The following ZNF521 variants were observed in gnomAD, a reference collection of about 807,000 sequenced individuals.
ZNF521 encodes LYST-interacting protein 3.
Under a neutral mutation model 105.5 loss-of-function variants are expected in ZNF521, and 14 were observed. The ratio of observed to expected loss-of-function variants is 0.13; its 90% CI spans 0.09 to 0.21. The LOEUF is 0.21. ZNF521 is among the 10% of genes least tolerant of loss of function. The probability of loss-of-function intolerance (pLI) is 1.00; values close to 1 mark genes in which losing one functional copy is unlikely to be tolerated. For synonymous variants in ZNF521, 635 were observed against 606.0 expected, an observed-to-expected ratio of 1.05 and a Z score of -0.70; for missense variants, 1,233 against 1,629.7, an observed-to-expected ratio of 0.76 and a Z score of 4.19.
At chr18:25,271,096 C>T (rs746135128) in intron 3 of ZNF521, among the ~76,000 whole-genome samples, 8 of 152,122 alleles carry the variant, frequency 5.3e-5, no homozygotes, top group South Asian at 2.1e-4. Flanking sequence ...AAATCAATTG[C>T]GAAAATCACA....
chr18:25,220,549 A>C (rs1600170620), intron 4 of ZNF521, among the ~76,000 whole-genome samples: 1 of 151,978 alleles, frequency 6.6e-6, no homozygotes, highest in Non-Finnish European at 1.5e-5. Flanking sequence ...TCCTCTATTT[A>C]CCCGCCCCTG....
intron 3 of ZNF521, among the ~76,000 whole-genome samples, chr18:25,262,861 G>A (rs984245003): frequency 6.6e-6 from 1 of 152,158 alleles, no homozygotes; most frequent in African/African-American, 2.4e-5. Flanking sequence ...CCTTTAGAGA[G>A]AATCAGGAGG....
intron 3 of ZNF521, among the ~76,000 whole-genome samples, chr18:25,234,343 A>G (rs1436938418): frequency 6.6e-6 from 1 of 152,040 alleles, no homozygotes; most frequent in East Asian, 1.9e-4. Context: ...TTTATTCTCT[A>G]CTATTTTGAG....
intron 7 of ZNF521, among the ~76,000 whole-genome samples, chr18:25,085,130 C>A (rs541796466): frequency 6.6e-6 from 1 of 151,906 alleles, no homozygotes; most frequent in Admixed American, 6.6e-5. Context: ...CGCTAGGTGG[C>A]CTTTGAAGTG....
intron 5 of ZNF521, among the ~76,000 whole-genome samples, chr18:25,099,044 T>C (rs1269110293): frequency 6.6e-6 from 1 of 152,156 alleles, no homozygotes; most frequent in African/African-American, 2.4e-5. Context: ...CATAAGAGTG[T>C]TGAGAACTCA....
chr18:25,228,467 A>T (rs964125550), intron 3 of ZNF521, among the ~76,000 whole-genome samples: 1 of 152,230 alleles, frequency 6.6e-6, no homozygotes, highest in African/African-American at 2.4e-5. Context: ...AAAAAATGAG[A>T]GTTTCACAAG....
intron 5 of ZNF521, among the ~76,000 whole-genome samples, chr18:25,148,920 G>A (rs2034995269): frequency 6.6e-6 from 1 of 152,098 alleles, no homozygotes; most frequent in African/African-American, 2.4e-5. Flanking sequence ...ATTTATACAA[G>A]TACCAGCTTC....
At chr18:25,215,005 T>C (rs2036256256) in intron 4 of ZNF521, among the ~76,000 whole-genome samples, 1 of 152,100 alleles carries the variant, frequency 6.6e-6, no homozygotes, top group Non-Finnish European at 1.5e-5. Flanking sequence ...AATGAAATTA[T>C]AGTTGGAGTT....
chr18:25,236,341 G>T (rs1906888061), intron 3 of ZNF521, among the ~76,000 whole-genome samples: 1 of 152,140 alleles, frequency 6.6e-6, no homozygotes, highest in Non-Finnish European at 1.5e-5. Context: ...TTCGAGATCA[G>T]CCTGGATAAC....
chr18:25,084,693 C>T (rs1054641817), intron 7 of ZNF521, among the ~76,000 whole-genome samples: 2 of 152,158 alleles, frequency 1.3e-5, no homozygotes, highest in African/African-American at 4.8e-5. Flanking sequence ...TCTACCCGTA[C>T]TGCAGGAATT....
intron 1 of ZNF521, 86 bp from the exon 2 acceptor site, chr18:25,351,033 GCCTCGCGCCCTCCGCTCGGCCTC>G (rs1034280459): frequency 1.2e-5 from 14 of 1,163,892 alleles, no homozygotes; most frequent in South Asian, 1.8e-5. Flanking sequence ...GGGCCGCGGC[GCCTCGCGCCCTCCGCTCGGCCTC>G]CCTCGCGCCC....
chr18:25,341,866 A>G (rs144251538), intron 2 of ZNF521, among the ~76,000 whole-genome samples: 10 of 152,222 alleles, frequency 6.6e-5, no homozygotes, highest in African/African-American at 1.9e-4. Flanking sequence ...CAAGGCTTAT[A>G]TATCTGTTTG....
intron 3 of ZNF521, among the ~76,000 whole-genome samples, chr18:25,303,785 C>T (rs1911802778): frequency 6.6e-6 from 1 of 152,094 alleles, no homozygotes; most frequent in South Asian, 2.1e-4. Context: ...CAGGGAGGAA[C>T]AGATATCTGA....
At chr18:25,325,762 C>G (rs45521336) in intron 2 of ZNF521, among the ~76,000 whole-genome samples, 14,809 of 152,140 alleles carry the variant, frequency 0.097, 805 homozygotes, top group Middle Eastern at 0.2. Flanking sequence ...GGATAAAATG[C>G]TGAATTTTGG....
chr18:25,297,998 T>C (rs1911420219), intron 3 of ZNF521, among the ~76,000 whole-genome samples: 1 of 152,182 alleles, frequency 6.6e-6, no homozygotes, highest in Non-Finnish European at 1.5e-5. Context: ...GGACTCTCTA[T>C]GTACCAGGTC....
rs189225393 is a variant in ZNF521, at chr18:25,168,592, G to A, written c.3658+26568C>T. On this transcript the variant is annotated intron_variant, in intron 5 of 7. Transcript: ENST00000361524. ...TTTTAAATATAGGGGAAGAAGGGGA[G>A]AAGACAGTTAAATATCTATACAATT... Among the ~76,000 whole-genome samples, 218 of 152,266 alleles carry A rather than the reference G, an allele frequency of 1.4e-3. 2 individuals are homozygous for A. Among genetic ancestry groups the A allele is most frequent in the Non-Finnish European group, 3.4e-4 (23 of 68,006 alleles).
chr18:25,093,102 A>G (rs1205095552), intron 5 of ZNF521, among the ~76,000 whole-genome samples: 1 of 152,176 alleles, frequency 6.6e-6, no homozygotes, highest in African/African-American at 2.4e-5. Context: ...TATTAGTCTC[A>G]TTTTACAGAT....
intron 6 of ZNF521, among the ~76,000 whole-genome samples, chr18:25,090,609 A>G (rs930883512): frequency 2.0e-5 from 3 of 152,208 alleles, no homozygotes; most frequent in African/African-American, 7.2e-5. Context: ...CAGACTGTGC[A>G]CGATTAATGC....
intron 3 of ZNF521, among the ~76,000 whole-genome samples, chr18:25,244,282 G>GCACACACACA (rs57083520): frequency 9.0e-4 from 132 of 147,438 alleles, no homozygotes; most frequent in African/African-American, 3.2e-3. Context: ...GTATGCATGT[G>GCACACACACA]CACACACACA....
Sources: gnomAD v4.1 joint callset for allele counts (sites outside exome capture counted in the v4.1 genomes callset) on GRCh38, gnomAD v4.1.1 for gene constraint, MANE v1.5 for transcripts, NCBI Gene and HGNC (gene_info 2026-07-23, HGNC 2026-07-21) for gene names.